NDUFS4: variants seen among roughly 807,000 people sequenced by gnomAD.
NDUFS4 encodes NADH dehydrogenase [ubiquinone] iron-sulfur protein 4, mitochondrial.
In NDUFS4, 28 loss-of-function variants were observed where a neutral mutation model predicts 24.3. That is an observed-to-expected ratio of 1.15 (90% CI 0.85 to 1.58). The LOEUF is 1.58. Among genes scored for constraint, NDUFS4 ranks in the 40% most tolerant of loss-of-function variants. The probability of loss-of-function intolerance (pLI) is 0.00; values close to 1 mark genes in which losing one functional copy is unlikely to be tolerated. For missense variants in NDUFS4, 223 were observed against 207.9 expected, an observed-to-expected ratio of 1.07 and a Z score of -0.45; for synonymous variants, 93 against 69.7, an observed-to-expected ratio of 1.34 and a Z score of -1.67.
chr5:53,607,666 A>T (rs907884731), intron 2 of NDUFS4, among the ~76,000 whole-genome samples: 1 of 152,218 alleles, frequency 6.6e-6, no homozygotes, highest in African/African-American at 2.4e-5. Context: ...TAAAGTACAA[A>T]ATAGAGCAAT....
chr5:53,576,027 T>G (rs542931071), intron 1 of NDUFS4, among the ~76,000 whole-genome samples: 1 of 152,220 alleles, frequency 6.6e-6, no homozygotes, highest in Non-Finnish European at 1.5e-5. Flanking sequence ...GAAAATACAT[T>G]GAATCACTGG....
intron 2 of NDUFS4, among the ~76,000 whole-genome samples, chr5:53,632,692 A>G (rs571884936): frequency 6.6e-6 from 1 of 152,152 alleles, no homozygotes; most frequent in South Asian, 2.1e-4. Flanking sequence ...CTGCATCTTG[A>G]GTTTTCCTTC....
chr5:53,619,305 TTAAA>T (rs1260239752), intron 2 of NDUFS4, among the ~76,000 whole-genome samples: 83 of 130,568 alleles, frequency 6.4e-4, no homozygotes, highest in Admixed American at 1.3e-3. Context: ...TGCTAAAAAT[TTAAA>T]AAAAAAAAAA....
intron 3 of NDUFS4, among the ~76,000 whole-genome samples, chr5:53,657,745 T>G (rs1752205686): frequency 6.6e-6 from 1 of 151,810 alleles, no homozygotes; most frequent in Admixed American, 6.6e-5. Flanking sequence ...GCCAACATAG[T>G]GAAACCCCAT....
At chr5:53,606,102 T>G (rs1023222363) in intron 2 of NDUFS4, among the ~76,000 whole-genome samples, 25 of 151,366 alleles carry the variant, frequency 1.7e-4, no homozygotes, top group African/African-American at 6.1e-4. Context: ...GAGAATGGTG[T>G]GAACCTGGGA....
At chr5:53,682,850 T>C (rs189136046) in intron 4 of NDUFS4, among the ~76,000 whole-genome samples, 14 of 152,216 alleles carry the variant, frequency 9.2e-5, no homozygotes, top group Non-Finnish European at 2.9e-5. Context: ...ATATCAGTAA[T>C]TGAGCAAGGT....
chr5:53,597,783 C>G lies in NDUFS4; in HGVS notation c.99-5669C>G, dbSNP rs73754266. Among the ~76,000 whole-genome samples, 1,111 of 152,236 alleles carry G rather than the reference C, an allele frequency of 7.3e-3. 14 individuals carry two copies. The highest frequency in any genetic ancestry group is 0.026 in the African/African-American group (1,061 of 41,544). On this transcript the variant is annotated intron_variant, in intron 1 of 4. Transcript: ENST00000296684. ...TTCATTAAGATTAAAAGCTTCTGCTCTGTGAAAGACACTCTAAAGAGAATG... is the reference window on the plus strand; with the variant it reads ...TTCATTAAGATTAAAAGCTTCTGCTGTGTGAAAGACACTCTAAAGAGAATG...
At chr5:53,682,999 A>G (rs1194949051) in intron 4 of NDUFS4, 119 bp from the exon 5 acceptor site, 20 of 782,670 alleles carry the variant, frequency 2.6e-5, no homozygotes, top group South Asian at 1.1e-4. Context: ...GTTGACATAT[A>G]CTCTTGATGA....
At chr5:53,652,970 G>T (rs1752060229) in intron 3 of NDUFS4, among the ~76,000 whole-genome samples, 1 of 150,770 alleles carries the variant, frequency 6.6e-6, no homozygotes, top group African/African-American at 2.4e-5. Flanking sequence ...TATCTTTTAG[G>T]TTAGTAAATG....
At chr5:53,567,100 C>T (rs745650289) in intron 1 of NDUFS4, among the ~76,000 whole-genome samples, 3 of 152,128 alleles carry the variant, frequency 2.0e-5, no homozygotes, top group South Asian at 2.1e-4. Context: ...CCACCTGCCT[C>T]GACCTCCCAA....
intron 1 of NDUFS4, among the ~76,000 whole-genome samples, chr5:53,563,236 CAAAAAA>C (rs906204561): frequency 1.9e-5 from 2 of 105,086 alleles, no homozygotes; most frequent in East Asian, 3.4e-4. Flanking sequence ...CTCAAAAAAA[CAAAAAA>C]AAAAAAAAAA....
In NDUFS4 at chr5:53,608,698, T is replaced by G. The variant is rs906783788; in HGVS notation, c.177+5168T>G. On this transcript the variant is annotated intron_variant, in intron 2 of 4. Transcript: ENST00000296684. Reference sequence around the variant, plus strand: ...TTGTTTAGGCTCCACCCACCACATCTGCAGTGACTTCCTCCACTAAAGTCT... The same window carrying G: ...TTGTTTAGGCTCCACCCACCACATCGGCAGTGACTTCCTCCACTAAAGTCT... Among the ~76,000 whole-genome samples, 44 of 152,240 alleles carry G rather than the reference T, an allele frequency of 2.9e-4. 1 individual carries two copies. The highest frequency in any genetic ancestry group is 6.2e-4 in the South Asian group (3 of 4,834).
chr5:53,649,554 G>A (rs762989988), intron 3 of NDUFS4, among the ~76,000 whole-genome samples: 3 of 152,126 alleles, frequency 2.0e-5, no homozygotes, highest in Non-Finnish European at 2.9e-5. Context: ...TTTTATTGCT[G>A]CGTAGTATTC....
chr5:53,592,728 CTATT>C (rs1276663660), intron 1 of NDUFS4, among the ~76,000 whole-genome samples: 3 of 152,150 alleles, frequency 2.0e-5, no homozygotes, highest in African/African-American at 7.2e-5. Context: ...TTCCATTCAT[CTATT>C]TATTTTATAG....
intron 1 of NDUFS4, among the ~76,000 whole-genome samples, chr5:53,583,713 A>G (rs1358952893): frequency 6.6e-6 from 1 of 152,224 alleles, no homozygotes; most frequent in Non-Finnish European, 1.5e-5. Context: ...AGGTATTGTT[A>G]CATTTTATTA....
intron 3 of NDUFS4, 26 bp downstream of exon 3, chr5:53,646,431 A>G (rs1444312835): frequency 6.2e-7 from 1 of 1,606,854 alleles, no homozygotes. Flanking sequence ...TAATGTGAAT[A>G]TTGTCAGCTA....
rs548364093 is a variant in NDUFS4, at chr5:53,682,669, A to C, written c.425-449A>C. Among the ~76,000 whole-genome samples, 119 of 152,202 alleles carry C rather than the reference A, an allele frequency of 7.8e-4. 1 individual carries two copies. The highest frequency in any genetic ancestry group is 2.9e-3 in the African/African-American group (119 of 41,552). On this transcript the variant is annotated intron_variant, in intron 4 of 4. Coordinates refer to ENST00000296684, the MANE Select transcript of NDUFS4 (RefSeq NM_002495.4). Reference sequence around the variant, plus strand: ...CACCCATACACACGTACATATATATACGTTTACATATTTTTCTGTATCCCT... The same window carrying C: ...CACCCATACACACGTACATATATATCCGTTTACATATTTTTCTGTATCCCT...
chr5:53,666,586 C>G (rs550181444), intron 4 of NDUFS4, among the ~76,000 whole-genome samples: 1 of 152,286 alleles, frequency 6.6e-6, no homozygotes, highest in East Asian at 1.9e-4. Flanking sequence ...GCACCTAGCA[C>G]AAAACCTGAC....
chr5:53,624,817 T>C (rs1751166946), intron 2 of NDUFS4, among the ~76,000 whole-genome samples: 1 of 152,214 alleles, frequency 6.6e-6, no homozygotes, highest in African/African-American at 2.4e-5. Flanking sequence ...TTATTTCTTT[T>C]TCTTGTCCAA....
Sources: gnomAD v4.1 joint callset for allele counts (sites outside exome capture counted in the v4.1 genomes callset) on GRCh38, gnomAD v4.1.1 for gene constraint, MANE v1.5 for transcripts, NCBI Gene and HGNC (gene_info 2026-07-23, HGNC 2026-07-21) for gene names.